The following C8orf34 variants were observed in gnomAD, a reference collection of about 807,000 sequenced individuals.
C8orf34 encodes chromosome 8 open reading frame 34.
In C8orf34, 65 loss-of-function variants were observed where a neutral mutation model predicts 68.3. The observed-to-expected ratio is 0.95, with a 90% CI of 0.78 to 1.17. The LOEUF is 1.17. Among genes scored for constraint, C8orf34 ranks in the 50% most tolerant of loss-of-function variants. C8orf34 has a pLI of 0.00. For synonymous variants in C8orf34, 244 were observed against 241.2 expected, an observed-to-expected ratio of 1.01 and a Z score of -0.11; for missense variants, 664 against 655.4, an observed-to-expected ratio of 1.01 and a Z score of -0.14.
At chr8:68,695,986 A>T (rs979123081) in intron 8 of C8orf34, among the ~76,000 whole-genome samples, 1 of 151,976 alleles carries the variant, frequency 6.6e-6, no homozygotes, top group Non-Finnish European at 1.5e-5. Flanking sequence ...ATTTACCTGC[A>T]TTGTCTTTTC....
chr8:68,383,740 G>A (rs1808141416), intron 1 of C8orf34, among the ~76,000 whole-genome samples: 1 of 152,138 alleles, frequency 6.6e-6, no homozygotes, highest in African/African-American at 2.4e-5. Flanking sequence ...ATTTTGACTT[G>A]TGCTGAGAAT....
intron 10 of C8orf34, among the ~76,000 whole-genome samples, chr8:68,763,872 A>G (rs1563655567): frequency 6.6e-6 from 1 of 152,200 alleles, no homozygotes; most frequent in East Asian, 1.9e-4. Flanking sequence ...GTTGCCTTAG[A>G]CTAGCCCAAG....
At chr8:68,663,097 C>A (rs1292469288) in intron 8 of C8orf34, among the ~76,000 whole-genome samples, 1 of 152,198 alleles carries the variant, frequency 6.6e-6, no homozygotes, top group Non-Finnish European at 1.5e-5. Context: ...AGGGATATGA[C>A]TAAATCATAG....
intron 11 of C8orf34, among the ~76,000 whole-genome samples, chr8:68,783,334 A>G (rs1262442904): frequency 6.6e-6 from 1 of 152,002 alleles, no homozygotes; most frequent in Non-Finnish European, 1.5e-5. Context: ...CCTGGCCAAC[A>G]TGGTGAAACC....
intron 7 of C8orf34, among the ~76,000 whole-genome samples, chr8:68,582,083 A>G (rs964910696): frequency 1.3e-5 from 2 of 152,180 alleles, no homozygotes; most frequent in Non-Finnish European, 2.9e-5. Context: ...AACAAAAGTC[A>G]GGGTAACCGG....
intron 8 of C8orf34, among the ~76,000 whole-genome samples, chr8:68,673,674 A>G (rs1470102528): frequency 2.0e-5 from 3 of 152,140 alleles, no homozygotes; most frequent in Admixed American, 2.0e-4. Flanking sequence ...CTCCTAGAAA[A>G]CATCTGTGGA....
At chr8:68,465,039 G>T (rs1010992497) in intron 3 of C8orf34, among the ~76,000 whole-genome samples, 7 of 151,238 alleles carry the variant, frequency 4.6e-5, no homozygotes, top group Non-Finnish European at 1.0e-4. Context: ...GAAAATTTTC[G>T]CAACCTGCTC....
chr8:68,449,431 T>A (rs1054822756), intron 3 of C8orf34, among the ~76,000 whole-genome samples: 6 of 152,100 alleles, frequency 3.9e-5, no homozygotes, highest in African/African-American at 1.2e-4. Context: ...AAGTAGTGAC[T>A]CAACGTTCCC....
chr8:68,755,041 G>A (rs1219915530), intron 10 of C8orf34, among the ~76,000 whole-genome samples: 4 of 152,110 alleles, frequency 2.6e-5, no homozygotes, highest in African/African-American at 9.7e-5. Context: ...GCACAACTAG[G>A]ACACATTTTT....
At chr8:68,743,219 G>A (rs1822356035) in intron 10 of C8orf34, among the ~76,000 whole-genome samples, 1 of 152,174 alleles carries the variant, frequency 6.6e-6, no homozygotes, top group Non-Finnish European at 1.5e-5. Flanking sequence ...TCTTGAGTAT[G>A]ATGATGAATT....
At chr8:68,549,899 G>A (rs1167820415) in intron 7 of C8orf34, among the ~76,000 whole-genome samples, 1 of 151,594 alleles carries the variant, frequency 6.6e-6, no homozygotes, top group African/African-American at 2.4e-5. Context: ...TGCTCTGTCT[G>A]AAAATAATAT....
Position 68,818,438 on chromosome 8 carries a change from G to A in C8orf34, c.*192G>A, listed in dbSNP as rs916327294. ...ATCAGAGAACACTAATCCTGGCAAA[G>A]GATTGTGGGGTGGTCAGGAGGCCGG... is the stretch of plus-strand genomic sequence containing the variant. On this transcript the variant is annotated 3_prime_UTR_variant, in exon 14 of 14. Coordinates refer to ENST00000518698, the MANE Select transcript of C8orf34 (RefSeq NM_052958.4). 1 of 587,178 alleles carries A rather than the reference G, an allele frequency of 1.7e-6. No homozygotes were observed. The highest frequency in any genetic ancestry group is 1.9e-5 in the African/African-American group (1 of 53,644). 36.4% of individuals were successfully genotyped at this position (587,178 alleles called of 1,614,324 possible).
intron 1 of C8orf34, among the ~76,000 whole-genome samples, chr8:68,338,881 C>CT (rs1034684386): frequency 2.3e-4 from 35 of 152,122 alleles, no homozygotes; most frequent in Middle Eastern, 3.4e-3. Flanking sequence ...TATTGTCAGT[C>CT]TTTTTAGCCA....
chr8:68,818,149 A>G, intron 13 of C8orf34, 90 bp from the exon 14 acceptor site: 1 of 1,285,870 alleles, frequency 7.8e-7, no homozygotes, highest in Non-Finnish European at 1.1e-6. Context: ...AATAGAGGAA[A>G]GCATTAAAAT....
At chr8:68,628,761 C>T (rs1818609030) in intron 7 of C8orf34, among the ~76,000 whole-genome samples, 1 of 152,156 alleles carries the variant, frequency 6.6e-6, no homozygotes, top group Admixed American at 6.6e-5. Flanking sequence ...ATTCACTCAT[C>T]TCCCACATTG....
At chr8:68,466,359 A>G (rs373240371) in intron 3 of C8orf34, among the ~76,000 whole-genome samples, 58 of 152,208 alleles carry the variant, frequency 3.8e-4, no homozygotes, top group African/African-American at 1.0e-3. Context: ...TACTGTACTC[A>G]GTAGATGCAC....
intron 8 of C8orf34, among the ~76,000 whole-genome samples, chr8:68,683,863 A>G (rs1820438425): frequency 6.6e-6 from 1 of 152,186 alleles, no homozygotes; most frequent in African/African-American, 2.4e-5. Flanking sequence ...CCGCATGTAT[A>G]GAAGTCAGCA....
chr8:68,561,069 ACCTCCAGGGTTCAGGTGAT>A (rs1816409537), intron 7 of C8orf34, among the ~76,000 whole-genome samples: 1 of 148,820 alleles, frequency 6.7e-6, no homozygotes, highest in Admixed American at 6.8e-5. Context: ...TGCAGCTTCC[ACCTCCAGGGTTCAGGTGAT>A]CCTTCCAGTG....
At chr8:68,533,256 A>C in intron 7 of C8orf34, 107 bp downstream of exon 7, 1 of 1,433,242 alleles carries the variant, frequency 7.0e-7, no homozygotes, top group Non-Finnish European at 9.1e-7. Context: ...TCTTAGGGAA[A>C]AGAAACCATT....
Sources: gnomAD v4.1 joint callset for allele counts (sites outside exome capture counted in the v4.1 genomes callset) on GRCh38, gnomAD v4.1.1 for gene constraint, MANE v1.5 for transcripts, NCBI Gene and HGNC (gene_info 2026-07-23, HGNC 2026-07-21) for gene names.